EXD1: variants seen among roughly 807,000 people sequenced by gnomAD.
EXD1 encodes exonuclease 3'-5' domain containing 1.
A neutral mutation model predicts 49.1 loss-of-function variants in EXD1; 63 were observed. The observed-to-expected ratio is 1.28, with a 90% CI of 1.05 to 1.58. EXD1 has a LOEUF of 1.58. Ranked by LOEUF, EXD1 falls within the 40% of genes most tolerant of loss-of-function variation. EXD1 has a pLI of 0.00. For missense variants in EXD1, 748 were observed against 666.0 expected (o/e 1.12, Z -1.36); for synonymous variants, 234 against 239.2 (o/e 0.98, Z 0.20).
intron 7 of EXD1, 142 bp from the exon 8 acceptor site, chr15:41,196,179 C>A (rs2046610061): frequency 8.8e-6 from 6 of 678,834 alleles, no homozygotes; most frequent in Non-Finnish European, 1.4e-5. Context: ...CAAAGTTTCA[C>A]TCTGTTGCCC....
intron 2 of EXD1, among the ~76,000 whole-genome samples, chr15:41,225,553 C>G (rs1484254757): frequency 4.1e-5 from 6 of 145,278 alleles, no homozygotes; most frequent in Non-Finnish European, 9.0e-5. Flanking sequence ...CCACTGCACT[C>G]TAGCCTGGGC....
At chr15:41,227,618 C>T (rs888087466) in intron 1 of EXD1, among the ~76,000 whole-genome samples, 3 of 146,132 alleles carry the variant, frequency 2.1e-5, no homozygotes, top group African/African-American at 5.1e-5. Context: ...TGCAGTGAGC[C>T]GAGATTTAGA....
At chr15:41,228,880 A>G (rs2047197810) in intron 1 of EXD1, among the ~76,000 whole-genome samples, 2 of 152,134 alleles carry the variant, frequency 1.3e-5, no homozygotes, top group South Asian at 2.1e-4. Flanking sequence ...AGAAACATTA[A>G]AGAAAAAAAA....
chr15:41,213,585 G>A (rs2046955261), intron 6 of EXD1, among the ~76,000 whole-genome samples: 1 of 150,820 alleles, frequency 6.6e-6, no homozygotes, highest in South Asian at 2.1e-4. Context: ...GCATGATCTC[G>A]GCTCACTGTA....
rs1164379270 is a variant in EXD1, at chr15:41,226,542, G to A, written c.34C>T (p.Gln12Ter). The A allele has an allele frequency of 3.3e-6, 5 of 1,536,012 alleles. No homozygotes were observed. The highest frequency in any genetic ancestry group is 3.5e-6 in the Non-Finnish European group (4 of 1,146,862). ...DPSSDYHFLS[Q>*]ILWKRVKLTL... ...AGTTTCACCCTCTTCCACAAAATCT[G>A]GCTGAGGAAATGGTAGTCACTGCTG... Residue 12 changes from glutamine (Q) to a stop codon, truncating the protein, a stop_gained, in exon 2 of 12, where the codon CAG becomes TAG. Transcript: ENST00000458580. LOFTEE classifies it high-confidence loss of function.
chr15:41,226,534 C>G lies in EXD1; in HGVS notation c.42G>C (p.Leu14Phe). The stretch of plus-strand genomic sequence containing the variant: ...CCAATGTGAGTTTCACCCTCTTCCA[C>G]AAAATCTGGCTGAGGAAATGGTAGT... ...SSDYHFLSQI[L>F]WKRVKLTLVC... The change falls in exon 2 of 12, where the codon TTG (leucine) becomes TTC (phenylalanine). Residue 14 changes from leucine (L) to phenylalanine (F), a missense_variant. Leu to Phe is a conservative substitution (Grantham distance 22). Coordinates refer to ENST00000458580, the MANE Select transcript of EXD1 (RefSeq NM_001286441.2). The G allele has an allele frequency of 6.5e-7, 1 of 1,536,090 alleles. No individual in the cohort carries two copies. The highest frequency in any genetic ancestry group is 8.7e-7 in the Non-Finnish European group (1 of 1,146,884).
At chr15:41,208,294 T>A (rs919878827) in intron 7 of EXD1, among the ~76,000 whole-genome samples, 1 of 147,144 alleles carries the variant, frequency 6.8e-6, no homozygotes, top group East Asian at 2.0e-4. Flanking sequence ...ACTTTGCGGT[T>A]AGGCTGACTC....
At chr15:41,216,598 T>C in intron 5 of EXD1, 70 bp downstream of exon 5, 2 of 1,494,102 alleles carry the variant, frequency 1.3e-6, no homozygotes, top group South Asian at 1.3e-5. Context: ...GCCATTGCAC[T>C]GCAGCCTGGG....
chr15:41,206,131 T>A (rs2046818420), intron 7 of EXD1, among the ~76,000 whole-genome samples: 1 of 152,094 alleles, frequency 6.6e-6, no homozygotes, highest in African/African-American at 2.4e-5. Context: ...AGATTATGTG[T>A]AAAACTGATA....
chr15:41,228,955 A>C (rs1377059820), intron 1 of EXD1, among the ~76,000 whole-genome samples: 1 of 152,210 alleles, frequency 6.6e-6, no homozygotes, highest in Non-Finnish European at 1.5e-5. Context: ...AGCTGCAAAC[A>C]CTAAGATTCA....
At chr15:41,199,748 T>TATATATC (rs2046688213) in intron 7 of EXD1, among the ~76,000 whole-genome samples, 30 of 10,810 alleles carry the variant, frequency 2.8e-3, no homozygotes, top group African/African-American at 9.9e-3. Flanking sequence ...TGTCATATAT[T>TATATATC]ATATATGATA....
intron 6 of EXD1, among the ~76,000 whole-genome samples, chr15:41,211,440 T>C (rs1296095004): frequency 6.6e-6 from 1 of 152,080 alleles, no homozygotes; most frequent in Non-Finnish European, 1.5e-5. Context: ...TTTTTTTTTA[T>C]TGTTGTCACG....
At chr15:41,207,164 C>G (rs977864538) in intron 7 of EXD1, among the ~76,000 whole-genome samples, 1 of 151,448 alleles carries the variant, frequency 6.6e-6, no homozygotes, top group East Asian at 2.0e-4. Context: ...TCGCTTGAAC[C>G]TAGGAGGCAG....
intron 5 of EXD1, 35 bp from the exon 6 acceptor site, chr15:41,215,868 T>A: frequency 6.2e-7 from 1 of 1,600,932 alleles, no homozygotes; most frequent in Non-Finnish European, 8.6e-7. Context: ...TATATTTCTC[T>A]TCCTCAGCAA....
At position 41,219,865 on chromosome 15, in the gene EXD1, C is replaced by G; in HGVS notation, c.167G>C (p.Gly56Ala). The part of the protein sequence containing the change: ...KNVETGRSVP[G>A]VKLFFGHEIV... ...CTCATGCCCAAAAAACAACTTCACT[C>G]CTGGGACACTTCGACCTGTCTCCAC... is the stretch of plus-strand genomic sequence containing the variant. Residue 56 changes from glycine (G) to alanine (A), a missense_variant, in exon 3 of 12, where the codon GGA (glycine) becomes GCA (alanine). Gly to Ala is a moderately conservative substitution (Grantham distance 60). Coordinates refer to ENST00000458580, the MANE Select transcript of EXD1 (RefSeq NM_001286441.2). 1 of 1,535,846 alleles carries G rather than the reference C, an allele frequency of 6.5e-7. No homozygotes were observed. The highest frequency in any genetic ancestry group is 1.2e-5 in the South Asian group (1 of 84,032).
intron 7 of EXD1, among the ~76,000 whole-genome samples, chr15:41,206,141 A>G (rs1259997677): frequency 6.6e-6 from 1 of 152,144 alleles, no homozygotes; most frequent in Non-Finnish European, 1.5e-5. Flanking sequence ...TAAAACTGAT[A>G]AATCAAGAGA....
chr15:41,229,172 C>T (rs1468613591), intron 1 of EXD1, among the ~76,000 whole-genome samples: 3 of 152,070 alleles, frequency 2.0e-5, no homozygotes, highest in East Asian at 3.9e-4. Context: ...GACAAGTGCA[C>T]GACAATCATA....
At position 41,184,135 on chromosome 15, in the gene EXD1, T is replaced by G; in HGVS notation, c.1515A>C (p.Thr505=). The change falls in exon 12 of 12, where the codon ACA becomes ACC. Residue 505 remains threonine (T), a synonymous_variant. Transcript: ENST00000458580. ...FQASLSLKEE[T]EQLLMVENKE... Reference sequence around the variant, plus strand: ...TGTTTTCCACCATCAATAACTGTTCTGTCTCCTCTTTCAAAGATAAACTTG... The same window carrying G: ...TGTTTTCCACCATCAATAACTGTTCGGTCTCCTCTTTCAAAGATAAACTTG... The G allele has an allele frequency of 6.2e-7, 1 of 1,614,206 alleles. No individual in the cohort carries two copies. The highest frequency in any genetic ancestry group is 1.7e-5 in the Admixed American group (1 of 60,016).
At chr15:41,215,099 T>C (rs1190676461) in intron 6 of EXD1, among the ~76,000 whole-genome samples, 2 of 152,218 alleles carry the variant, frequency 1.3e-5, no homozygotes, top group African/African-American at 4.8e-5. Context: ...CAGGTCTTTG[T>C]TCTAATGTCA....
Sources: allele counts gnomAD v4.1 joint callset (sites outside exome capture counted in the v4.1 genomes callset), GRCh38; gene constraint gnomAD v4.1.1; transcripts MANE v1.5; gene names NCBI Gene and HGNC (gene_info 2026-07-23, HGNC 2026-07-21).